The following FUT8 variants were observed in gnomAD, a reference collection of about 807,000 sequenced individuals.
FUT8 encodes alpha-(1,6)-fucosyltransferase.
A neutral mutation model predicts 71.3 loss-of-function variants in FUT8; 29 were observed. The ratio of observed to expected loss-of-function variants is 0.41; its 90% CI spans 0.30 to 0.55. FUT8 has a LOEUF of 0.55. FUT8 is among the 20% of genes least tolerant of loss of function. The pLI is 0.34. For missense variants in FUT8, 544 were observed against 702.1 expected, an observed-to-expected ratio of 0.77 and a Z score of 2.55; for synonymous variants, 254 against 239.3, an observed-to-expected ratio of 1.06 and a Z score of -0.57.
At chr14:65,473,281 T>A (rs1372988685) in intron 2 of FUT8, among the ~76,000 whole-genome samples, 1 of 152,216 alleles carries the variant, frequency 6.6e-6, no homozygotes, top group Admixed American at 6.5e-5. Context: ...AGCTTTTCCA[T>A]GTTTGTACCA....
chr14:65,415,705 G>T, intron 1 of FUT8, among the ~76,000 whole-genome samples: 1 of 146,552 alleles, frequency 6.8e-6, no homozygotes, highest in African/African-American at 2.5e-5. Context: ...TTTTAAAGTA[G>T]AGATAATTCC....
chr14:65,611,288 C>T (rs1033706434), intron 3 of FUT8, among the ~76,000 whole-genome samples: 3 of 42,890 alleles, frequency 7.0e-5, no homozygotes, highest in Non-Finnish European at 1.3e-4. Flanking sequence ...CACACACACA[C>T]ACACACACAC....
At chr14:65,539,983 T>A (rs1884581729) in intron 2 of FUT8, among the ~76,000 whole-genome samples, 1 of 152,220 alleles carries the variant, frequency 6.6e-6, no homozygotes, top group South Asian at 2.1e-4. Flanking sequence ...ATATGGTAGA[T>A]CCAAGAATCC....
intron 1 of FUT8, among the ~76,000 whole-genome samples, chr14:65,439,954 GTA>G (rs60534547): frequency 0.02 from 1,524 of 74,932 alleles, 42 homozygotes; most frequent in Admixed American, 0.022. Context: ...GTGTGTGTGT[GTA>G]TATATATATA....
At chr14:65,545,755 G>A (rs1001927722) in intron 2 of FUT8, among the ~76,000 whole-genome samples, 7 of 151,756 alleles carry the variant, frequency 4.6e-5, no homozygotes, top group East Asian at 1.9e-4. Flanking sequence ...CTGAGAAAAG[G>A]TTAGGTTAGT....
At position 65,669,232 on chromosome 14, in the gene FUT8, C is replaced by T. The variant is rs576655068; in HGVS notation, c.598-11C>T. 6.3e-7 allele frequency: 1 copy of T among 1,599,206 alleles called. No homozygotes were observed. The highest frequency in any genetic ancestry group is 1.1e-5 in the South Asian group (1 of 90,588). On this transcript the variant is annotated splice_polypyrimidine_tract_variant and intron_variant, in intron 6 of 10. Coordinates refer to ENST00000673929, the MANE Select transcript of FUT8 (RefSeq NM_001371533.1). This position sits in a 1 kb window ranked among gnomAD's most constrained non-coding sequence, Gnocchi z 4.5. ...CTTATCTTTATTTTCATTTCTCTTT[C>T]TCCCTGACAGAATCCCAAGGACTGC...
intron 7 of FUT8, among the ~76,000 whole-genome samples, chr14:65,696,963 T>C (rs1366650456): frequency 1.3e-5 from 2 of 152,204 alleles, no homozygotes; most frequent in Non-Finnish European, 2.9e-5. Flanking sequence ...ATGTTGTCCA[T>C]TTGTTTATTA....
chr14:65,474,968 T>C (rs2066212820), intron 2 of FUT8, among the ~76,000 whole-genome samples: 1 of 152,166 alleles, frequency 6.6e-6, no homozygotes, highest in Admixed American at 6.5e-5. Flanking sequence ...GGATTATAGG[T>C]GTGAGCCACC....
intron 3 of FUT8, among the ~76,000 whole-genome samples, chr14:65,612,634 C>T (rs1269963418): frequency 1.3e-5 from 2 of 152,194 alleles, no homozygotes; most frequent in Admixed American, 6.5e-5. Flanking sequence ...AGCTCCATTT[C>T]TTCAACTCAG....
In FUT8 at chr14:65,676,150, G is replaced by T. The variant is rs565356745; in HGVS notation, c.835+6670G>T. 2.0e-5 allele frequency among the ~76,000 whole-genome samples: 3 copies of T among 152,258 alleles called. 1 individual carries two copies. In the South Asian group the frequency reaches 6.2e-4, roughly 32 times the overall value. On this transcript the variant is annotated intron_variant, in intron 7 of 10. Coordinates refer to ENST00000673929, the MANE Select transcript of FUT8 (RefSeq NM_001371533.1). ...GAAAAAATAGTCTATTACCAAGAAT[G>T]AATCTTTTAAGCAATTTATTCTCCC...
chr14:65,669,520 T>C lies in FUT8; in HGVS notation c.835+40T>C, dbSNP rs763229820. The C allele has an allele frequency of 7.3e-7, 1 of 1,369,264 alleles. No homozygotes were observed. The allele number at this position is 1,369,264 out of a possible 1,614,324, so 84.8% of individuals were successfully genotyped here. A position where few individuals can be genotyped will look rare whatever the true frequency, so the allele number is the denominator to read the frequency against. On this transcript the variant is annotated intron_variant, in intron 7 of 10. Coordinates refer to ENST00000673929, the MANE Select transcript of FUT8 (RefSeq NM_001371533.1). The surrounding 1 kb of genome is among the most constrained non-coding windows in gnomAD (Gnocchi z 4.5). ...CAGCATATGAGATCTCTGGGCTGTT[T>C]CACTCAATTACCAGATTATTAGATT... is the stretch of plus-strand genomic sequence containing the variant.
At chr14:65,705,238 CCA>C (rs1343717564) in intron 7 of FUT8, among the ~76,000 whole-genome samples, 1 of 152,100 alleles carries the variant, frequency 6.6e-6, no homozygotes, top group Non-Finnish European at 1.5e-5. Context: ...TCTCTACAGG[CCA>C]CAGTGGCTGA....
intron 7 of FUT8, among the ~76,000 whole-genome samples, chr14:65,677,078 G>T (rs1178928857): frequency 6.8e-6 from 1 of 146,900 alleles, no homozygotes; most frequent in Non-Finnish European, 1.5e-5. Context: ...TTCTATAGTG[G>T]TTTATACATC....
intron 7 of FUT8, among the ~76,000 whole-genome samples, chr14:65,699,795 A>G (rs1196116263): frequency 6.6e-6 from 1 of 152,176 alleles, no homozygotes; most frequent in Non-Finnish European, 1.5e-5. Flanking sequence ...GACTAACACC[A>G]TTCTCAAAGA....
Position 65,561,692 on chromosome 14 carries a change from G to A in FUT8, c.129G>A (p.Leu43=), listed in dbSNP as rs762406718. 1.2e-6 allele frequency: 2 copies of A among 1,613,588 alleles called. No homozygotes were observed. The highest frequency in any genetic ancestry group is 1.7e-5 in the Admixed American group (1 of 59,954). The change falls in exon 3 of 11, where the codon CTG becomes CTA. Residue 43 remains leucine (L), a synonymous_variant. Coordinates refer to ENST00000673929, the MANE Select transcript of FUT8 (RefSeq NM_001371533.1). ...ATCCTGATCACTCTAGCCGAGAACT[G>A]TCCAAGATTCTGGCAAAGCTTGAAC... ...NDHPDHSSRE[L]SKILAKLERL...
At chr14:65,553,738 TG>T (rs1885422784) in intron 2 of FUT8, among the ~76,000 whole-genome samples, 1 of 151,936 alleles carries the variant, frequency 6.6e-6, no homozygotes, top group Non-Finnish European at 1.5e-5. Flanking sequence ...ATTTTAAAGA[TG>T]ATGCTCCATT....
chr14:65,737,783 CTA>C (rs922169995), intron 10 of FUT8, among the ~76,000 whole-genome samples: 11 of 151,900 alleles, frequency 7.2e-5, no homozygotes, highest in Admixed American at 5.9e-4. Flanking sequence ...TTTTTTCCCC[CTA>C]TGACACCTCC....
intron 6 of FUT8, among the ~76,000 whole-genome samples, chr14:65,662,709 A>G (rs1892027050): frequency 6.6e-6 from 1 of 152,240 alleles, no homozygotes; most frequent in Non-Finnish European, 1.5e-5. Context: ...ATTTAGCCTC[A>G]TAGTAGCTCT....
the FUT8 span, among the ~76,000 whole-genome samples, chr14:65,389,660 G>A: frequency 6.6e-6 from 1 of 151,456 alleles, no homozygotes; most frequent in Admixed American, 6.6e-5. Context: ...TTGCCTTATT[G>A]CCTAGGCTTG....
Sources: allele counts gnomAD v4.1 joint callset (sites outside exome capture counted in the v4.1 genomes callset), GRCh38; gene constraint gnomAD v4.1.1; non-coding constraint Gnocchi (gnomAD v3.1); transcripts MANE v1.5; gene names NCBI Gene and HGNC (gene_info 2026-07-23, HGNC 2026-07-21).